BMERB1: variants seen among roughly 807,000 people sequenced by gnomAD.
BMERB1 encodes the protein bMERB domain containing 1, also known as bMERB domain-containing protein 1.
BMERB1 carries 12 observed loss-of-function variants against 23.6 expected under a neutral mutation model. That is an observed-to-expected ratio of 0.51 (90% CI 0.33 to 0.82). BMERB1 has a LOEUF of 0.82. Among genes scored for constraint, BMERB1 ranks in the 40% least tolerant of loss-of-function variants. The pLI, the probability that BMERB1 is intolerant of heterozygous loss-of-function variation, is 0.03. For synonymous variants in BMERB1, 122 were observed against 96.6 expected (o/e 1.26, Z -1.54); for missense variants, 247 against 255.4 (o/e 0.97, Z 0.22).
Position 15,530,431 on chromosome 16 carries a change from C to T in BMERB1, c.230+15003C>T, listed in dbSNP as rs548383760. Among the ~76,000 whole-genome samples the T allele has an allele frequency of 3.9e-5, 6 of 152,262 alleles. No individual in the cohort carries two copies. The South Asian group carries it at 1.2e-3, about 32-fold the overall frequency. On this transcript the variant is annotated intron_variant, in intron 2 of 5. Coordinates refer to ENST00000300006, the MANE Select transcript of BMERB1 (RefSeq NM_033201.3). Reference sequence around the variant, plus strand: ...TTTAAAAATATATATTTTTCAGAGACGAAGTCTTGCTCTGTTGTCCAGGCT... The same window carrying T: ...TTTAAAAATATATATTTTTCAGAGATGAAGTCTTGCTCTGTTGTCCAGGCT...
intron 2 of BMERB1, among the ~76,000 whole-genome samples, chr16:15,531,071 AT>A (rs1002977170): frequency 1.3e-5 from 2 of 150,422 alleles, no homozygotes; most frequent in African/African-American, 2.4e-5. Context: ...TGCCCAGCTA[AT>A]TTTTTTTTGT....
At chr16:15,561,256 ATTTTTTTTTTTTTTT>A (rs35139646) in intron 2 of BMERB1, among the ~76,000 whole-genome samples, 16 of 42,240 alleles carry the variant, frequency 3.8e-4, no homozygotes, top group African/African-American at 1.5e-3. Flanking sequence ...CACGCCGGCC[ATTTTTTTTTTTTTTT>A]TTTTTTTTTT....
At chr16:15,470,026 A>C (rs1411493510) in intron 1 of BMERB1, among the ~76,000 whole-genome samples, 2 of 152,134 alleles carry the variant, frequency 1.3e-5, no homozygotes, top group African/African-American at 4.8e-5. Flanking sequence ...ATATTGAATG[A>C]CAGTAGTGAG....
intron 1 of BMERB1, among the ~76,000 whole-genome samples, chr16:15,439,456 C>T (rs967391060): frequency 1.1e-4 from 16 of 152,164 alleles, no homozygotes; most frequent in Non-Finnish European, 1.8e-4. Context: ...GGGGATTGCC[C>T]CAGCAATATT....
chr16:15,507,410 G>A (rs967680192), intron 1 of BMERB1, among the ~76,000 whole-genome samples: 2 of 152,158 alleles, frequency 1.3e-5, no homozygotes, highest in African/African-American at 4.8e-5. Flanking sequence ...GGCATTTGGG[G>A]ATGGGAAGAT....
At chr16:15,579,712 G>T (rs577419826) in intron 3 of BMERB1, among the ~76,000 whole-genome samples, 5 of 151,896 alleles carry the variant, frequency 3.3e-5, no homozygotes, top group Non-Finnish European at 5.9e-5. Flanking sequence ...TTTGGGACAG[G>T]GTTAGTGTCA....
chr16:15,465,555 G>A (rs746829402), intron 1 of BMERB1, among the ~76,000 whole-genome samples: 3 of 151,992 alleles, frequency 2.0e-5, no homozygotes, highest in Non-Finnish European at 4.4e-5. Context: ...GTTTCACCAC[G>A]TTGGCCAGGC....
chr16:15,476,407 C>G (rs2051275440), intron 1 of BMERB1, among the ~76,000 whole-genome samples: 1 of 152,192 alleles, frequency 6.6e-6, no homozygotes, highest in Non-Finnish European at 1.5e-5. Context: ...AGGCAATTCA[C>G]CCACCTCAGC....
At chr16:15,480,861 A>G (rs534685179) in intron 1 of BMERB1, among the ~76,000 whole-genome samples, 12 of 150,828 alleles carry the variant, frequency 8.0e-5, no homozygotes, top group African/African-American at 2.7e-4. Flanking sequence ...ATCCACTGAC[A>G]TCGGCCTCCC....
chr16:15,570,168 G>C (rs903983423), intron 3 of BMERB1, among the ~76,000 whole-genome samples: 2 of 152,156 alleles, frequency 1.3e-5, no homozygotes, highest in African/African-American at 4.8e-5. Context: ...TTGCCATGCT[G>C]TCAGTTCAAT....
intron 2 of BMERB1, among the ~76,000 whole-genome samples, chr16:15,528,471 G>T (rs1946348352): frequency 6.6e-6 from 1 of 152,138 alleles, no homozygotes; most frequent in Non-Finnish European, 1.5e-5. Flanking sequence ...TCCAGAATTT[G>T]TTAGCATGAT....
rs149489512 is a variant in BMERB1, at chr16:15,559,818, G to A, written c.231-8165G>A. 9.8e-5 allele frequency among the ~76,000 whole-genome samples: 15 copies of A among 152,294 alleles called. No individual in the cohort carries two copies. In the East Asian group the frequency reaches 2.7e-3, roughly 27 times the overall value. ...TGGGGTTTGTAAGTTGAAGAACAGA[G>A]CTGAGTAATTCAGGACAGGGGTGTC... On this transcript the variant is annotated intron_variant, in intron 2 of 5. Transcript: ENST00000300006.
At chr16:15,560,282 G>T (rs971210543) in intron 2 of BMERB1, among the ~76,000 whole-genome samples, 7 of 152,202 alleles carry the variant, frequency 4.6e-5, no homozygotes, top group African/African-American at 1.7e-4. Context: ...AAGGGCCAGG[G>T]CAAAGGCCCC....
At chr16:15,502,896 G>A (rs961345612) in intron 1 of BMERB1, among the ~76,000 whole-genome samples, 4 of 152,020 alleles carry the variant, frequency 2.6e-5, no homozygotes, top group Admixed American at 2.6e-4. Flanking sequence ...AAATTTGATG[G>A]TGGCTCCAAT....
At chr16:15,556,875 C>T (rs976377740) in intron 2 of BMERB1, among the ~76,000 whole-genome samples, 2 of 152,188 alleles carry the variant, frequency 1.3e-5, no homozygotes, top group South Asian at 4.1e-4. Flanking sequence ...TGAGCCACCG[C>T]GCCCGGCCCA....
At chr16:15,543,838 A>G (rs558961850) in intron 2 of BMERB1, among the ~76,000 whole-genome samples, 1 of 152,308 alleles carries the variant, frequency 6.6e-6, no homozygotes, top group South Asian at 2.1e-4. Context: ...CAATTAAAAC[A>G]AAAATTTCAG....
chr16:15,559,164 A>G (rs1406384920), intron 2 of BMERB1, among the ~76,000 whole-genome samples: 1 of 152,182 alleles, frequency 6.6e-6, no homozygotes, highest in Non-Finnish European at 1.5e-5. Flanking sequence ...ATACGTGACT[A>G]TGGTAATGGT....
chr16:15,452,557 C>T (rs2051051811), intron 1 of BMERB1, among the ~76,000 whole-genome samples: 1 of 152,028 alleles, frequency 6.6e-6, no homozygotes, highest in Non-Finnish European at 1.5e-5. Context: ...TAACCAGAGT[C>T]CATTTCTGTT....
chr16:15,445,229 A>G (rs1340036109), intron 1 of BMERB1, among the ~76,000 whole-genome samples: 2 of 152,162 alleles, frequency 1.3e-5, no homozygotes, highest in African/African-American at 4.8e-5. Context: ...GCAACTGTAC[A>G]ACAGTGACAG....
Sources: gnomAD v4.1 joint callset for allele counts (sites outside exome capture counted in the v4.1 genomes callset) on GRCh38, gnomAD v4.1.1 for gene constraint, MANE v1.5 for transcripts, NCBI Gene and HGNC (gene_info 2026-07-23, HGNC 2026-07-21) for gene names.